Variants in NPAS3 observed in about 807,000 individuals in gnomAD.
NPAS3 encodes the protein neuronal PAS domain protein 3.
In NPAS3, 14 loss-of-function variants were observed where a neutral mutation model predicts 73.1. The ratio of observed to expected loss-of-function variants is 0.19; its 90% CI spans 0.13 to 0.30. The LOEUF is 0.30. NPAS3 is among the 10% of genes least tolerant of loss of function. NPAS3 has a pLI of 1.00. For synonymous variants in NPAS3, 620 were observed against 541.5 expected, an observed-to-expected ratio of 1.14 and a Z score of -2.01; for missense variants, 1,096 against 1,250.0, an observed-to-expected ratio of 0.88 and a Z score of 1.86.
intron 2 of NPAS3, among the ~76,000 whole-genome samples, chr14:33,080,416 T>A (rs115373800): frequency 0.014 from 2,161 of 152,330 alleles, 48 homozygotes; most frequent in African/African-American, 0.048. Flanking sequence ...CCAGTCTGAT[T>A]TTTTTAGGGG....
chr14:33,394,071 A>G (rs1426649922), intron 4 of NPAS3, among the ~76,000 whole-genome samples: 1 of 152,202 alleles, frequency 6.6e-6, no homozygotes, highest in Non-Finnish European at 1.5e-5. Context: ...TCTTCTTTAA[A>G]CAAACATTGT....
chr14:33,087,216 T>TACAA (rs1410490075), intron 2 of NPAS3, among the ~76,000 whole-genome samples: 4,419 of 99,880 alleles, frequency 0.044, 181 homozygotes, highest in East Asian at 0.17. Context: ...AGTATTATTA[T>TACAA]TATTGTATAA....
intron 4 of NPAS3, among the ~76,000 whole-genome samples, chr14:33,534,663 T>C (rs7156402): frequency 0.41 from 62,822 of 152,036 alleles, 14,313 homozygotes; most frequent in African/African-American, 0.63. Context: ...AACCTCCATG[T>C]GTGGTTATTT....
chr14:33,273,611 T>C (rs1300517134), intron 3 of NPAS3, among the ~76,000 whole-genome samples: 1 of 152,202 alleles, frequency 6.6e-6, no homozygotes, highest in Non-Finnish European at 1.5e-5. Flanking sequence ...ACTAAATCTG[T>C]AGTCAAACCA....
chr14:33,402,975 C>A (rs570892481), intron 4 of NPAS3, among the ~76,000 whole-genome samples: 2 of 152,232 alleles, frequency 1.3e-5, no homozygotes, highest in South Asian at 2.1e-4. Flanking sequence ...GGAGTGGTAT[C>A]TTCCATGCCT....
At chr14:33,009,141 G>A (rs555163133) in intron 1 of NPAS3, among the ~76,000 whole-genome samples, 1 of 152,172 alleles carries the variant, frequency 6.6e-6, no homozygotes, top group African/African-American at 2.4e-5. Flanking sequence ...CTTGAGGGCC[G>A]ACTATGGGCT....
At chr14:33,002,327 G>C (rs983169074) in intron 1 of NPAS3, among the ~76,000 whole-genome samples, 1 of 152,216 alleles carries the variant, frequency 6.6e-6, no homozygotes, top group African/African-American at 2.4e-5. Context: ...GTATTGGATG[G>C]AGATGAAGAC....
intron 2 of NPAS3, among the ~76,000 whole-genome samples, chr14:33,119,765 C>T (rs1057266706): frequency 2.0e-5 from 3 of 152,114 alleles, no homozygotes; most frequent in African/African-American, 4.8e-5. Flanking sequence ...GCCCTACTCC[C>T]GCATTACATT....
rs372902095 is a variant in NPAS3, at chr14:33,799,997, G to A, written c.1690G>A (p.Glu564Lys). The A allele has an allele frequency of 6.8e-6, 11 of 1,613,100 alleles. No individual in the cohort carries two copies. The highest frequency in any genetic ancestry group is 1.3e-5 in the African/African-American group (1 of 75,074). The change falls in exon 12 of 12, where the codon GAG (glutamate) becomes AAG (lysine). Residue 564 changes from glutamate to lysine, a missense_variant. Physicochemically the swap from Glu to Lys is moderately conservative, Grantham distance 56. This residue lies in a region of NPAS3 where 698 missense variants were observed against 676.7 expected (regional missense o/e 1.03). Transcript: ENST00000356141. Reference sequence around the variant, plus strand: ...CAAGGTGGAGCGCTACGTGGAGAGCGAGTCGGACCTGCGGCTGCAGAACTG... The same window carrying A: ...CAAGGTGGAGCGCTACGTGGAGAGCAAGTCGGACCTGCGGCTGCAGAACTG...
intron 3 of NPAS3, among the ~76,000 whole-genome samples, chr14:33,231,751 G>A (rs1437582624): frequency 1.3e-5 from 2 of 151,896 alleles, no homozygotes; most frequent in Non-Finnish European, 2.9e-5. Context: ...TGTTCTTTAT[G>A]TGCAAAAGAT....
intron 4 of NPAS3, among the ~76,000 whole-genome samples, chr14:33,389,119 A>G (rs182773952): frequency 6.6e-6 from 1 of 152,302 alleles, no homozygotes; most frequent in East Asian, 1.9e-4. Flanking sequence ...TCTGTGAGAT[A>G]TATCACACAC....
chr14:33,530,940 C>T (rs544195483), intron 4 of NPAS3, among the ~76,000 whole-genome samples: 14 of 152,058 alleles, frequency 9.2e-5, no homozygotes, highest in East Asian at 1.9e-4. Context: ...ATGGTTTCCT[C>T]GCAGGATGCT....
intron 2 of NPAS3, among the ~76,000 whole-genome samples, chr14:33,094,854 C>A (rs1315478550): frequency 6.6e-6 from 1 of 152,132 alleles, no homozygotes; most frequent in Non-Finnish European, 1.5e-5. Context: ...TTTTGAACAC[C>A]TCCAAAACTG....
At chr14:33,379,523 A>AT (rs370003333) in intron 4 of NPAS3, among the ~76,000 whole-genome samples, 1 of 152,144 alleles carries the variant, frequency 6.6e-6, no homozygotes, top group African/African-American at 2.4e-5. Flanking sequence ...CAGACATCAC[A>AT]TTTTTGTTAC....
intron 5 of NPAS3, among the ~76,000 whole-genome samples, chr14:33,662,797 T>G (rs573417461): frequency 1.7e-4 from 26 of 152,210 alleles, no homozygotes; most frequent in African/African-American, 6.0e-4. Context: ...GCACACTGAT[T>G]TTGTATCCTG....
intron 6 of NPAS3, among the ~76,000 whole-genome samples, chr14:33,681,947 CAG>C (rs902447268): frequency 1.2e-4 from 19 of 152,296 alleles, no homozygotes; most frequent in African/African-American, 4.6e-4. Flanking sequence ...TACAAACAAA[CAG>C]TGTAGTGACT....
rs532057662 is a variant in NPAS3 at position 33,308,055 on chromosome 14, T to C, written c.386-59131T>C. Among the ~76,000 whole-genome samples the C allele has an allele frequency of 3.9e-5, 6 of 152,234 alleles. No individual in the cohort carries two copies. In the East Asian group the frequency reaches 5.8e-4, roughly 15 times the overall value. ...ATTTGCCTGCCTTCTCCCTGACTGA[T>C]TGGACTGCTGCCAGTTCCCTCTTCA... On this transcript the variant is annotated intron_variant, in intron 3 of 11. Transcript: ENST00000356141.
chr14:33,442,185 A>G (rs1223604589), intron 4 of NPAS3, among the ~76,000 whole-genome samples: 1 of 152,200 alleles, frequency 6.6e-6, no homozygotes, highest in Non-Finnish European at 1.5e-5. Context: ...ACTTGTATTA[A>G]CATGGCTTAA....
At chr14:33,727,918 G>T (rs1196474315) in intron 6 of NPAS3, among the ~76,000 whole-genome samples, 1 of 152,174 alleles carries the variant, frequency 6.6e-6, no homozygotes, top group African/African-American at 2.4e-5. Flanking sequence ...ATCCTTTGGA[G>T]TGCACAGCCT....
Sources: allele counts gnomAD v4.1 joint callset (sites outside exome capture counted in the v4.1 genomes callset), GRCh38; gene constraint gnomAD v4.1.1; regional missense constraint gnomAD v4.1.1; transcripts MANE v1.5; gene names NCBI Gene and HGNC (gene_info 2026-07-23, HGNC 2026-07-21).